The following DOCK3 variants were observed in gnomAD, a reference collection of about 807,000 sequenced individuals.
DOCK3 encodes the protein dedicator of cytokinesis protein 3.
Under a neutral mutation model 265.6 loss-of-function variants are expected in DOCK3, and 60 were observed. The observed-to-expected ratio is 0.23, with a 90% CI of 0.18 to 0.28. DOCK3 has a LOEUF of 0.28. DOCK3 is among the 10% of genes least tolerant of loss of function. The probability of loss-of-function intolerance (pLI) is 1.00; values close to 1 mark genes in which losing one functional copy is unlikely to be tolerated. For missense variants in DOCK3, 1,981 were observed against 2,594.3 expected (o/e 0.76, Z 5.14); for synonymous variants, 881 against 938.0 (o/e 0.94, Z 1.11).
chr3:51,024,283 T>G (rs900165727), intron 5 of DOCK3, among the ~76,000 whole-genome samples: 4 of 152,198 alleles, frequency 2.6e-5, no homozygotes, highest in Non-Finnish European at 2.9e-5. Context: ...GCTTATCTCA[T>G]TCTCTCATGG....
chr3:51,061,243 C>T (rs1001601995), intron 5 of DOCK3, among the ~76,000 whole-genome samples: 3 of 152,154 alleles, frequency 2.0e-5, no homozygotes, highest in Non-Finnish European at 4.4e-5. Context: ...AATCATGCTG[C>T]TATAAAGACA....
At chr3:51,212,712 G>A (rs12495297) in intron 13 of DOCK3, among the ~76,000 whole-genome samples, 1 of 152,144 alleles carries the variant, frequency 6.6e-6, no homozygotes, top group Admixed American at 6.6e-5. Context: ...TTGCGGTTTA[G>A]TCCACCAGTG....
At chr3:51,032,173 C>A (rs1172684059) in intron 5 of DOCK3, among the ~76,000 whole-genome samples, 1 of 151,468 alleles carries the variant, frequency 6.6e-6, no homozygotes. Flanking sequence ...TTCCAAGAAT[C>A]TCTACTTTAT....
chr3:50,916,352 C>T lies in DOCK3; in HGVS notation c.219-17629C>T, dbSNP rs1004584859. ...TGTTACCCAGGCTGGAGTGTAGTGG[C>T]GCAATCTTGGCTCACTGCAAGCTCC... On this transcript the variant is annotated intron_variant, in intron 4 of 52. Transcript: ENST00000266037. 7.9e-5 allele frequency among the ~76,000 whole-genome samples: 12 copies of T among 151,888 alleles called. No homozygotes were observed. The East Asian group carries it at 1.2e-3, about 15-fold the overall frequency.
At chr3:51,053,585 C>A (rs2109144036) in intron 5 of DOCK3, among the ~76,000 whole-genome samples, 1 of 152,084 alleles carries the variant, frequency 6.6e-6, no homozygotes. Context: ...CCATGCCCGG[C>A]TAATTTTTTG....
chr3:51,182,864 A>G (rs2087383382), intron 12 of DOCK3, among the ~76,000 whole-genome samples: 1 of 152,226 alleles, frequency 6.6e-6, no homozygotes, highest in Non-Finnish European at 1.5e-5. Flanking sequence ...TTGTTTCTCC[A>G]GCTCTGTAAC....
At chr3:51,283,914 A>C (rs746455159) in intron 27 of DOCK3, among the ~76,000 whole-genome samples, 1 of 152,168 alleles carries the variant, frequency 6.6e-6, no homozygotes, top group Non-Finnish European at 1.5e-5. Context: ...GCTTGAAAAC[A>C]CAGTTCCTCT....
At chr3:50,979,670 T>A (rs1559893117) in intron 5 of DOCK3, among the ~76,000 whole-genome samples, 1 of 152,044 alleles carries the variant, frequency 6.6e-6, no homozygotes, top group Admixed American at 6.5e-5. Flanking sequence ...AGCCTCTTTT[T>A]AAAAAAAATA....
chr3:51,036,491 A>G (rs1342369069), intron 5 of DOCK3, among the ~76,000 whole-genome samples: 3 of 152,280 alleles, frequency 2.0e-5, no homozygotes, highest in African/African-American at 7.2e-5. Flanking sequence ...AGTTTATCTT[A>G]TGATGTAAGT....
chr3:50,874,260 G>A (rs1400388576), intron 3 of DOCK3, among the ~76,000 whole-genome samples: 1 of 151,802 alleles, frequency 6.6e-6, no homozygotes, highest in African/African-American at 2.4e-5. Context: ...TCAGCACTTT[G>A]GGAGGCTGAG....
At chr3:51,321,998 G>A (rs1013236687) in intron 32 of DOCK3, among the ~76,000 whole-genome samples, 2 of 152,040 alleles carry the variant, frequency 1.3e-5, no homozygotes, top group African/African-American at 2.4e-5. Flanking sequence ...TATACTCCTC[G>A]AGAAGAACAA....
At chr3:50,933,877 C>A in intron 4 of DOCK3, 104 bp from the exon 5 acceptor site, 1 of 670,124 alleles carries the variant, frequency 1.5e-6, no homozygotes, top group Non-Finnish European at 2.4e-6. Flanking sequence ...TTTTTATTTG[C>A]ATAAATTTAA....
At chr3:51,156,457 G>C (rs1041353534) in intron 10 of DOCK3, among the ~76,000 whole-genome samples, 1 of 151,900 alleles carries the variant, frequency 6.6e-6, no homozygotes, top group South Asian at 2.1e-4. Context: ...TACAGGTCAT[G>C]TGAGTAATAT....
At chr3:51,307,878 G>GTTTTTTTTTTTTTT (rs1197872774) in intron 27 of DOCK3, among the ~76,000 whole-genome samples, 2 of 42,022 alleles carry the variant, frequency 4.8e-5, no homozygotes, top group South Asian at 1.3e-3. Context: ...AAATTATATG[G>GTTTTTTTTTTTTTT]GTTTTTTTTT....
At chr3:50,949,692 C>A (rs2076538559) in intron 5 of DOCK3, among the ~76,000 whole-genome samples, 1 of 152,022 alleles carries the variant, frequency 6.6e-6, no homozygotes, top group South Asian at 2.1e-4. Context: ...GGTTTTTGAT[C>A]AATTTTGATA....
intron 3 of DOCK3, among the ~76,000 whole-genome samples, chr3:50,871,264 G>A (rs1027311198): frequency 6.1e-5 from 9 of 148,250 alleles, no homozygotes; most frequent in African/African-American, 2.2e-4. Context: ...TGTTTTAAGT[G>A]TATTTTCCCT....
intron 7 of DOCK3, among the ~76,000 whole-genome samples, chr3:51,082,867 A>G (rs757143302): frequency 2.0e-5 from 3 of 152,120 alleles, no homozygotes; most frequent in Non-Finnish European, 4.4e-5. Context: ...CCCATGTGCC[A>G]TCCAGGGTGA....
chr3:50,871,726 C>A (rs2047441610), intron 3 of DOCK3, among the ~76,000 whole-genome samples: 2 of 151,976 alleles, frequency 1.3e-5, no homozygotes, highest in Non-Finnish European at 1.5e-5. Context: ...CTTTTGTCTC[C>A]TTTGTGTATT....
intron 2 of DOCK3, among the ~76,000 whole-genome samples, chr3:50,811,757 A>C (rs983021114): frequency 1.3e-5 from 2 of 152,204 alleles, no homozygotes; most frequent in African/African-American, 4.8e-5. Context: ...TGAATAAAAA[A>C]GAATAGAATA....
Sources: allele counts gnomAD v4.1 joint callset (sites outside exome capture counted in the v4.1 genomes callset), GRCh38; gene constraint gnomAD v4.1.1; transcripts MANE v1.5; gene names NCBI Gene and HGNC (gene_info 2026-07-23, HGNC 2026-07-21).